The following RGS6 variants were observed in gnomAD, a reference collection of about 807,000 sequenced individuals.
RGS6 encodes the protein regulator of G protein signaling 6, also known as regulator of G-protein signaling 6.
In RGS6, 30 loss-of-function variants were observed where a neutral mutation model predicts 78.5. The ratio of observed to expected loss-of-function variants is 0.38; its 90% CI spans 0.29 to 0.52. RGS6 has a LOEUF of 0.52. RGS6 is among the 20% of genes least tolerant of loss of function. The pLI is 0.85. For missense variants in RGS6, 495 were observed against 609.7 expected, an observed-to-expected ratio of 0.81 and a Z score of 1.98; for synonymous variants, 206 against 206.0, an observed-to-expected ratio of 1.00 and a Z score of 0.00.
intron 2 of RGS6, among the ~76,000 whole-genome samples, chr14:72,256,479 G>T (rs138113359): frequency 6.6e-6 from 1 of 152,192 alleles, no homozygotes; most frequent in African/African-American, 2.4e-5. Flanking sequence ...TGAGCAGTAA[G>T]AAATTATAGA....
At chr14:72,590,660 G>A in the RGS6 span, among the ~76,000 whole-genome samples, 4 of 152,204 alleles carry the variant, frequency 2.6e-5, no homozygotes, top group East Asian at 3.8e-4. Flanking sequence ...AAAGATAAAC[G>A]CTTGTTGCTT....
At chr14:72,429,410 T>C (rs904648666) in intron 3 of RGS6, among the ~76,000 whole-genome samples, 1 of 152,182 alleles carries the variant, frequency 6.6e-6, no homozygotes, top group African/African-American at 2.4e-5. Context: ...TAATTCATTC[T>C]AGTCTCCTGC....
chr14:72,620,277 G>A, the RGS6 span, among the ~76,000 whole-genome samples: 1 of 152,122 alleles, frequency 6.6e-6, no homozygotes, highest in Non-Finnish European at 1.5e-5. Context: ...CAAATTTAAA[G>A]GGATCCCTTA....
At chr14:72,113,782 G>A (rs954988507) in intron 2 of RGS6, among the ~76,000 whole-genome samples, 2 of 152,148 alleles carry the variant, frequency 1.3e-5, no homozygotes, top group African/African-American at 4.8e-5. Context: ...CTTGGAACTG[G>A]TATACTGTCA....
chr14:72,592,674 C>A, the RGS6 span, among the ~76,000 whole-genome samples: 3 of 152,136 alleles, frequency 2.0e-5, no homozygotes, highest in Admixed American at 6.5e-5. Context: ...TGGGCCTCAC[C>A]CTTTCCAAGA....
intron 3 of RGS6, among the ~76,000 whole-genome samples, chr14:72,362,971 A>G (rs574918423): frequency 6.6e-6 from 1 of 152,244 alleles, no homozygotes; most frequent in Non-Finnish European, 1.5e-5. Context: ...ATACATGACA[A>G]ACATGCCAGG....
chr14:72,374,682 A>G (rs913816598), intron 3 of RGS6, among the ~76,000 whole-genome samples: 4 of 152,248 alleles, frequency 2.6e-5, no homozygotes, highest in African/African-American at 9.6e-5. Context: ...ACATAAGGAT[A>G]AGTCAGCAAA....
intron 2 of RGS6, among the ~76,000 whole-genome samples, chr14:72,318,153 A>G (rs186202027): frequency 6.6e-6 from 1 of 152,264 alleles, no homozygotes; most frequent in Admixed American, 6.5e-5. Flanking sequence ...TGCTCAGTGT[A>G]CAGTGGGGAG....
intron 3 of RGS6, among the ~76,000 whole-genome samples, chr14:72,400,322 A>G (rs551574458): frequency 1.3e-5 from 2 of 152,228 alleles, no homozygotes; most frequent in Non-Finnish European, 2.9e-5. Flanking sequence ...GAATTGTAAT[A>G]CTTTTATTAA....
intron 3 of RGS6, among the ~76,000 whole-genome samples, chr14:72,408,456 T>C (rs2093131587): frequency 6.6e-6 from 1 of 152,216 alleles, no homozygotes; most frequent in Non-Finnish European, 1.5e-5. Flanking sequence ...TAACCAAGAC[T>C]TCATCTAAAA....
chr14:72,148,637 T>C (rs999029585), intron 2 of RGS6, among the ~76,000 whole-genome samples: 1 of 152,130 alleles, frequency 6.6e-6, no homozygotes. Context: ...GCAGAATCAA[T>C]AGAACTTGGT....
chr14:72,504,329 G>T (rs118117242), intron 13 of RGS6, among the ~76,000 whole-genome samples: 1,711 of 152,312 alleles, frequency 0.011, 21 homozygotes, highest in Non-Finnish European at 0.016. Flanking sequence ...TTTAAGTCAC[G>T]TTTTACTATA....
chr14:72,465,393 T>A (rs1313477387), intron 6 of RGS6, among the ~76,000 whole-genome samples: 1 of 151,750 alleles, frequency 6.6e-6, no homozygotes, highest in Non-Finnish European at 1.5e-5. Context: ...GAGTCCTCAT[T>A]TGATCATGAC....
chr14:72,210,538 C>T (rs2043848439), intron 2 of RGS6, among the ~76,000 whole-genome samples: 1 of 152,176 alleles, frequency 6.6e-6, no homozygotes, highest in Admixed American at 6.5e-5. Context: ...TGAGTCACTT[C>T]AGGTCTTTGT....
intron 2 of RGS6, among the ~76,000 whole-genome samples, chr14:71,975,738 T>A (rs943920155): frequency 5.3e-5 from 8 of 152,234 alleles, no homozygotes; most frequent in Admixed American, 2.0e-4. Flanking sequence ...ATTATAGGCA[T>A]GAGCCACCAT....
chr14:71,995,036 A>G (rs2095136331), intron 2 of RGS6, among the ~76,000 whole-genome samples: 1 of 152,130 alleles, frequency 6.6e-6, no homozygotes, highest in Non-Finnish European at 1.5e-5. Context: ...AGAGTCACCA[A>G]AGAGCTGCCT....
the RGS6 span, among the ~76,000 whole-genome samples, chr14:72,605,967 G>T: frequency 6.6e-6 from 1 of 152,096 alleles, no homozygotes; most frequent in Non-Finnish European, 1.5e-5. Flanking sequence ...TCGGAGCTGT[G>T]CTGGTCACTG....
chr14:72,455,611 AC>A (rs1222373799), intron 4 of RGS6, among the ~76,000 whole-genome samples: 1 of 151,908 alleles, frequency 6.6e-6, no homozygotes, highest in African/African-American at 2.4e-5. Context: ...GAGTCTTTTC[AC>A]CCCCTTGATT....
intron 9 of RGS6, among the ~76,000 whole-genome samples, chr14:72,473,209 C>T (rs1343668080): frequency 1.3e-5 from 2 of 152,174 alleles, no homozygotes; most frequent in African/African-American, 2.4e-5. Flanking sequence ...TTTGGGAGGC[C>T]GAGGTGGGTG....
Sources: allele counts gnomAD v4.1 joint callset (sites outside exome capture counted in the v4.1 genomes callset), GRCh38; gene constraint gnomAD v4.1.1; transcripts MANE v1.5; gene names NCBI Gene and HGNC (gene_info 2026-07-23, HGNC 2026-07-21).